Variants in DLC1 observed in about 807,000 individuals in gnomAD.
The protein encoded by DLC1 is rho GTPase-activating protein 7.
Under a neutral mutation model 140.3 loss-of-function variants are expected in DLC1, and 54 were observed. The observed-to-expected ratio is 0.38, with a 90% CI of 0.31 to 0.48. DLC1 has a LOEUF of 0.48. DLC1 is among the 20% of genes least tolerant of loss of function. The pLI, the probability that DLC1 is intolerant of heterozygous loss-of-function variation, is 0.96. For missense variants in DLC1, 2,536 were observed against 1,907.0 expected (o/e 1.33, Z -6.14); for synonymous variants, 986 against 728.1 (o/e 1.35, Z -5.70).
intron 1 of DLC1, among the ~76,000 whole-genome samples, chr8:13,601,911 T>C (rs1169494116): frequency 6.6e-6 from 1 of 151,882 alleles, no homozygotes; most frequent in African/African-American, 2.4e-5. Context: ...TGTTTTAATG[T>C]GTCCACTATT....
intron 4 of DLC1, among the ~76,000 whole-genome samples, chr8:13,320,046 CTTG>C (rs199802240): frequency 6.6e-6 from 1 of 151,770 alleles, no homozygotes; most frequent in Non-Finnish European, 1.5e-5. Flanking sequence ...CTCCTGACCT[CTTG>C]ATCCGCCCGC....
intron 2 of DLC1, among the ~76,000 whole-genome samples, chr8:13,485,640 A>G (rs1800937380): frequency 6.6e-6 from 1 of 152,226 alleles, no homozygotes; most frequent in African/African-American, 2.4e-5. Flanking sequence ...GGAAAGACGT[A>G]TGTGAAAGTT....
At chr8:13,288,931 C>G (rs1469931575) in intron 5 of DLC1, among the ~76,000 whole-genome samples, 1 of 152,164 alleles carries the variant, frequency 6.6e-6, no homozygotes, top group Non-Finnish European at 1.5e-5. Context: ...TTTTATGTGG[C>G]AATTTATATA....
At chr8:13,129,863 T>C (rs1026259073) in intron 5 of DLC1, among the ~76,000 whole-genome samples, 1 of 152,220 alleles carries the variant, frequency 6.6e-6, no homozygotes, top group Non-Finnish European at 1.5e-5. Flanking sequence ...CTTCTGGCTA[T>C]ACAGGGTGAA....
At chr8:13,240,857 A>T (rs1829516864) in intron 5 of DLC1, among the ~76,000 whole-genome samples, 2 of 152,194 alleles carry the variant, frequency 1.3e-5, no homozygotes, top group African/African-American at 4.8e-5. Flanking sequence ...GAAAATATCT[A>T]AATGTATAAA....
chr8:13,594,508 A>G (rs1805623109), intron 1 of DLC1, among the ~76,000 whole-genome samples: 1 of 152,088 alleles, frequency 6.6e-6, no homozygotes, highest in African/African-American at 2.4e-5. Flanking sequence ...ATTCTGAGAG[A>G]ATACCACAAG....
chr8:13,375,729 A>ATTTT (rs1043092226), intron 4 of DLC1, among the ~76,000 whole-genome samples: 20 of 91,714 alleles, frequency 2.2e-4, no homozygotes, highest in African/African-American at 9.8e-4. Flanking sequence ...ATTTTATTTT[A>ATTTT]TTTTTATTTT....
chr8:13,253,353 C>T (rs1830087364), intron 5 of DLC1, among the ~76,000 whole-genome samples: 1 of 152,080 alleles, frequency 6.6e-6, no homozygotes, highest in African/African-American at 2.4e-5. Flanking sequence ...CATTGGATGT[C>T]CTCGTTCATT....
At chr8:13,188,708 T>C (rs1826534769) in intron 5 of DLC1, among the ~76,000 whole-genome samples, 1 of 146,684 alleles carries the variant, frequency 6.8e-6, no homozygotes, top group Non-Finnish European at 1.5e-5. Flanking sequence ...GGGTTTCAGT[T>C]CAAACAATTC....
chr8:13,237,228 C>CAT lies in DLC1; in HGVS notation c.1348+68039_1348+68040dup, dbSNP rs1345475315. On this transcript the variant is annotated intron_variant, in intron 5 of 17. Transcript: ENST00000276297. ...GTGTGTGTGTGTGTGTGTGTGTATA[C>CAT]ATATATATATATACACACACACACA... Among the ~76,000 whole-genome samples the CAT allele has an allele frequency of 9.3e-3, 741 of 79,708 alleles. 6 individuals carry two copies. Among genetic ancestry groups the CAT allele is most frequent in the African/African-American group, 0.025 (574 of 22,968 alleles). The allele number at this position is 79,708 out of a possible 152,430, so 52.3% of individuals were successfully genotyped here.
chr8:13,499,391 G>C lies in DLC1; in HGVS notation c.681C>G (p.Asn227Lys). The C allele has an allele frequency of 6.2e-7, 1 of 1,613,876 alleles. No homozygotes were observed. The highest frequency in any genetic ancestry group is 8.5e-7 in the Non-Finnish European group (1 of 1,179,962). ...KDIAPEKQLL[N>K]SAVIAQQRRK... ...TTCGTTGCTGAGCAATTACAGCAGA[G>C]TTAAGCAATTGTTTCTCAGGTGCAA... Residue 227 changes from asparagine to lysine, a missense_variant, in exon 2 of 18, where the codon AAC (asparagine) becomes AAG (lysine). Asn to Lys is a moderately conservative substitution (Grantham distance 94). Coordinates refer to ENST00000276297, the MANE Select transcript of DLC1 (RefSeq NM_182643.3).
intron 5 of DLC1, among the ~76,000 whole-genome samples, chr8:13,232,131 A>G (rs1216761176): frequency 6.6e-6 from 1 of 152,110 alleles, no homozygotes; most frequent in Non-Finnish European, 1.5e-5. Context: ...CAGCAGAGAC[A>G]ATTTAGGGTC....
intron 2 of DLC1, among the ~76,000 whole-genome samples, chr8:13,458,830 G>GGA (rs202136797): frequency 6.9e-6 from 1 of 145,750 alleles, no homozygotes; most frequent in African/African-American, 2.5e-5. Flanking sequence ...TCTTCATTTG[G>GGA]AAAAAAAAAA....
chr8:13,390,831 C>T (rs1043726291), intron 4 of DLC1, among the ~76,000 whole-genome samples: 1 of 151,738 alleles, frequency 6.6e-6, no homozygotes, highest in East Asian at 1.9e-4. Flanking sequence ...ACTAAAAATA[C>T]AAAAAAATTA....
At chr8:13,162,508 A>T (rs1824781890) in intron 5 of DLC1, among the ~76,000 whole-genome samples, 1 of 152,144 alleles carries the variant, frequency 6.6e-6, no homozygotes. Context: ...TTTTTAGTAG[A>T]GACGGGGTTT....
intron 7 of DLC1, among the ~76,000 whole-genome samples, chr8:13,109,147 T>A (rs531659619): frequency 1.3e-5 from 2 of 152,338 alleles, no homozygotes; most frequent in South Asian, 4.1e-4. Flanking sequence ...GGCTGCTTCA[T>A]ATAACACTGT....
intron 1 of DLC1, among the ~76,000 whole-genome samples, chr8:13,510,957 T>G (rs2117250994): frequency 6.6e-6 from 1 of 152,230 alleles, no homozygotes; most frequent in South Asian, 2.1e-4. Context: ...ACATTACCAT[T>G]CCTCAACCCT....
intron 6 of DLC1, among the ~76,000 whole-genome samples, chr8:13,113,231 G>A (rs565186598): frequency 4.6e-5 from 7 of 152,310 alleles, no homozygotes; most frequent in Admixed American, 1.3e-4. Context: ...TCCACTGTGG[G>A]TTGAAAGGCA....
chr8:13,428,357 A>G (rs1355259512), intron 2 of DLC1, among the ~76,000 whole-genome samples: 1 of 152,158 alleles, frequency 6.6e-6, no homozygotes, highest in Admixed American at 6.5e-5. Flanking sequence ...TTTAATAGGC[A>G]TGGCTTGAGA....
Sources: allele counts gnomAD v4.1 joint callset (sites outside exome capture counted in the v4.1 genomes callset), GRCh38; gene constraint gnomAD v4.1.1; transcripts MANE v1.5; gene names NCBI Gene and HGNC (gene_info 2026-07-23, HGNC 2026-07-21).